OARD1: variants seen among roughly 807,000 people sequenced by gnomAD.
OARD1 encodes the protein ADP-ribose glycohydrolase OARD1.
OARD1 carries 19 observed loss-of-function variants against 19.7 expected under a neutral mutation model. The observed-to-expected ratio is 0.96, with a 90% CI of 0.67 to 1.41. The LOEUF is 1.41. Ranked by LOEUF, OARD1 falls within the 40% of genes most tolerant of loss-of-function variation. OARD1 has a pLI of 0.00. For missense variants in OARD1, 190 were observed against 183.8 expected (o/e 1.03, Z -0.20); for synonymous variants, 70 against 61.8 (o/e 1.13, Z -0.62).
chr6:41,068,025 A>G (rs927045340), intron 5 of OARD1, among the ~76,000 whole-genome samples: 1 of 152,230 alleles, frequency 6.6e-6, no homozygotes, highest in Non-Finnish European at 1.5e-5. Context: ...TAGGGAAAAA[A>G]GAGACCTAAA....
upstream of OARD1, among the ~76,000 whole-genome samples, chr6:41,077,430 G>C (rs1763769951): frequency 1.3e-5 from 2 of 152,074 alleles, no homozygotes; most frequent in African/African-American, 4.8e-5. Context: ...AGGAACCACT[G>C]ATCCATTTTC....
At chr6:41,080,681 T>C (rs1561851046) in intron 1 of OARD1, 4 of 668,902 alleles carry the variant, frequency 6.0e-6, no homozygotes, top group Non-Finnish European at 1.0e-5. Flanking sequence ...AGCTTCAATA[T>C]AGGGAGTCTG....
At chr6:41,092,792 TAC>T in intron 1 of OARD1, 1 of 937,242 alleles carries the variant, frequency 1.1e-6, no homozygotes, top group Admixed American at 2.6e-5. Context: ...TTTACCCAAG[TAC>T]CCTATAAAAA....
Position 41,078,901 on chromosome 6 carries a change from A to C in OARD1, c.-41-7226T>G, listed in dbSNP as rs532502165. ...CCCAGTTAAAAATGATACTGAATAT[A>C]AGCATTTCCTATTCTCCTATCCTGT... On this transcript the variant is annotated intron_variant, in intron 1 of 4. Transcript: ENST00000480585. 2.2e-4 allele frequency: 118 copies of C among 532,094 alleles called. 1 individual carries two copies. The highest frequency in any genetic ancestry group is 9.6e-4 in the Middle Eastern group (3 of 3,112). The allele number at this position is 532,094 out of a possible 1,614,324, so 33.0% of individuals were successfully genotyped here.
At chr6:41,093,140 T>G (rs1037579034) in intron 1 of OARD1, 5 of 1,489,210 alleles carry the variant, frequency 3.4e-6, no homozygotes, top group Non-Finnish European at 4.6e-6. Flanking sequence ...GTTCTACTTT[T>G]GAAATTATCT....
intron 1 of OARD1, chr6:41,089,449 G>T: frequency 1.0e-6 from 1 of 953,368 alleles, no homozygotes. Flanking sequence ...CATAATGGAG[G>T]GCAGAGCAGG....
intron 1 of OARD1, among the ~76,000 whole-genome samples, chr6:41,087,084 G>A (rs915484646): frequency 6.6e-6 from 1 of 151,988 alleles, no homozygotes; most frequent in Non-Finnish European, 1.5e-5. Flanking sequence ...TATAAATAAC[G>A]TTTATGTATT....
intron 3 of OARD1, chr6:41,070,865 G>A (rs948450582): frequency 6.7e-6 from 4 of 598,602 alleles, no homozygotes; most frequent in Non-Finnish European, 1.2e-5. Flanking sequence ...TATAGACTAA[G>A]CATCTCAGAG....
intron 1 of OARD1, chr6:41,080,769 C>G (rs375120888): frequency 2.9e-5 from 44 of 1,530,066 alleles, no homozygotes; most frequent in Non-Finnish European, 3.8e-5. Flanking sequence ...CTACACATTT[C>G]CTTCCTGACA....
At chr6:41,096,732 G>A (rs531502793) in intron 1 of OARD1, among the ~76,000 whole-genome samples, 1 of 152,174 alleles carries the variant, frequency 6.6e-6, no homozygotes, top group African/African-American at 2.4e-5. Flanking sequence ...ATTTATCCTT[G>A]TGTTAACACG....
chr6:41,076,325 C>T (rs1344931104), upstream of OARD1, among the ~76,000 whole-genome samples: 1 of 152,168 alleles, frequency 6.6e-6, no homozygotes, highest in African/African-American at 2.4e-5. Context: ...ACTTTCATTT[C>T]AGTTACATGC....
upstream of OARD1, chr6:41,072,579 G>A (rs901719089): frequency 6.6e-6 from 1 of 152,474 alleles, no homozygotes; most frequent in Non-Finnish European, 1.5e-5. Context: ...AAATTCCGTG[G>A]TTTCCCGCCG....
intron 1 of OARD1, chr6:41,089,502 A>G (rs1764140413): frequency 1.4e-6 from 2 of 1,410,458 alleles, no homozygotes; most frequent in African/African-American, 2.9e-5. Context: ...TTTCTAGAGA[A>G]ATGTGGATAA....
chr6:41,073,621 G>A (rs1763616494), upstream of OARD1, among the ~76,000 whole-genome samples: 1 of 151,954 alleles, frequency 6.6e-6, no homozygotes, highest in African/African-American at 2.4e-5. Flanking sequence ...CCTCTAGGTC[G>A]GGAGGGAGGC....
upstream of OARD1, among the ~76,000 whole-genome samples, chr6:41,077,540 ATGTAT>A (rs3049086): frequency 0.3 from 45,755 of 151,758 alleles, 7,692 homozygotes; most frequent in African/African-American, 0.45. Flanking sequence ...ATAGCCATAA[ATGTAT>A]TGTGTATTAG....
intron 1 of OARD1, among the ~76,000 whole-genome samples, chr6:41,095,393 A>C (rs965495544): frequency 2.0e-5 from 3 of 151,976 alleles, no homozygotes; most frequent in African/African-American, 7.2e-5. Context: ...CTATCTCCCT[A>C]TCTGTTAGGT....
At chr6:41,084,025 TC>T in intron 1 of OARD1, 1 of 1,583,278 alleles carries the variant, frequency 6.3e-7, no homozygotes, top group Non-Finnish European at 8.6e-7. Flanking sequence ...ATTTCATTGT[TC>T]TTATTTTATT....
At chr6:41,076,824 A>G (rs563890471), upstream of OARD1, among the ~76,000 whole-genome samples, 1 of 152,342 alleles carries the variant, frequency 6.6e-6, no homozygotes, top group Non-Finnish European at 1.5e-5. Flanking sequence ...ACTGAAGCTC[A>G]CAGTAGTAGG....
chr6:41,083,901 T>G, intron 1 of OARD1: 4 of 705,632 alleles, frequency 5.7e-6, no homozygotes, highest in Non-Finnish European at 8.8e-6. Flanking sequence ...AAAGATAACT[T>G]GAGGACTTGA....
Sources: gnomAD v4.1 joint callset for allele counts (sites outside exome capture counted in the v4.1 genomes callset) on GRCh38, gnomAD v4.1.1 for gene constraint, MANE v1.5 for transcripts, NCBI Gene and HGNC (gene_info 2026-07-23, HGNC 2026-07-21) for gene names.